Variants in SPSB4 observed in about 807,000 individuals in gnomAD.
SPSB4 encodes SPRY domain-containing SOCS box protein 4.
Under a neutral mutation model 20.9 loss-of-function variants are expected in SPSB4, and 21 were observed. That is an observed-to-expected ratio of 1.01 (90% CI 0.71 to 1.45). The LOEUF (loss-of-function observed/expected upper bound fraction) is 1.45, where lower values mean the gene tolerates loss of function less well. Among genes scored for constraint, SPSB4 ranks in the 40% most tolerant of loss-of-function variants. SPSB4 has a pLI of 0.00. For synonymous variants in SPSB4, 207 were observed against 183.8 expected, an observed-to-expected ratio of 1.13 and a Z score of -1.02; for missense variants, 399 against 399.2, an observed-to-expected ratio of 1.00 and a Z score of 0.00.
chr3:141,063,159 T>C (rs944028144), intron 1 of SPSB4, among the ~76,000 whole-genome samples: 147 of 152,350 alleles, frequency 9.6e-4, no homozygotes, highest in African/African-American at 3.1e-3. Context: ...TTTACTTGCC[T>C]AATATTAAGA....
intron 2 of SPSB4, among the ~76,000 whole-genome samples, chr3:141,134,553 T>G (rs1939193302): frequency 6.6e-6 from 1 of 152,216 alleles, no homozygotes; most frequent in African/African-American, 2.4e-5. Flanking sequence ...TGTCACGTTT[T>G]TTCTGCATCT....
chr3:141,107,323 T>C (rs2107797145), intron 2 of SPSB4, among the ~76,000 whole-genome samples: 1 of 152,316 alleles, frequency 6.6e-6, no homozygotes, highest in East Asian at 1.9e-4. Flanking sequence ...GATAAGACTA[T>C]CTTAATGGTA....
chr3:141,139,752 T>G (rs1939291401), intron 2 of SPSB4, among the ~76,000 whole-genome samples: 1 of 152,268 alleles, frequency 6.6e-6, no homozygotes, highest in Non-Finnish European at 1.5e-5. Flanking sequence ...CACCTTTCAC[T>G]CAGGCTGCCC....
At chr3:141,073,894 C>A (rs578033442) in intron 2 of SPSB4, among the ~76,000 whole-genome samples, 68 of 152,328 alleles carry the variant, frequency 4.5e-4, no homozygotes, top group African/African-American at 1.6e-3. Flanking sequence ...ATGCAGGATC[C>A]TGACATTCAG....
Position 141,110,664 on chromosome 3 carries a change from T to C in SPSB4, c.695-36478T>C, listed in dbSNP as rs375472125. Among the ~76,000 whole-genome samples, 5 of 152,330 alleles carry C rather than the reference T, an allele frequency of 3.3e-5. No homozygotes were observed. The East Asian group carries it at 9.6e-4, about 29-fold the overall frequency. On this transcript the variant is annotated intron_variant, in intron 2 of 2. Coordinates refer to ENST00000310546, the MANE Select transcript of SPSB4 (RefSeq NM_080862.3). ...GGTCCAGGGCAGAAGGAACAGCCCC[T>C]AATGGTGACTAATGGAAAAGTGAAG...
Position 141,060,606 on chromosome 3 carries a change from T to C in SPSB4, c.-153-5346T>C, listed in dbSNP as rs77638068. 4.0e-3 allele frequency among the ~76,000 whole-genome samples: 604 copies of C among 152,344 alleles called. 7 individuals carry two copies. The highest frequency in any genetic ancestry group is 0.014 in the African/African-American group (577 of 41,584). ...GCATGTGCTGTGTACATAGGTAGTT[T>C]TGTGCATTTGAGAACATATCTGAAT... On this transcript the variant is annotated intron_variant, in intron 1 of 2. Transcript: ENST00000310546.
chr3:141,117,439 G>A (rs1398932703), intron 2 of SPSB4, among the ~76,000 whole-genome samples: 7 of 152,138 alleles, frequency 4.6e-5, no homozygotes, highest in Non-Finnish European at 8.8e-5. Flanking sequence ...TCATCTTCTG[G>A]CCAAGCTCTT....
chr3:141,102,346 T>A (rs377029247), intron 2 of SPSB4, among the ~76,000 whole-genome samples: 20 of 152,096 alleles, frequency 1.3e-4, no homozygotes, highest in African/African-American at 4.8e-4. Context: ...AAGGAAAACA[T>A]ACAACCGATT....
At chr3:141,111,366 T>TG (rs1398599626) in intron 2 of SPSB4, among the ~76,000 whole-genome samples, 1 of 143,526 alleles carries the variant, frequency 7.0e-6, no homozygotes, top group Non-Finnish European at 1.5e-5. Context: ...TTTTTTTTTT[T>TG]TTTTTTTTTT....
intron 2 of SPSB4, among the ~76,000 whole-genome samples, chr3:141,143,810 G>A (rs1368474139): frequency 6.6e-6 from 1 of 152,194 alleles, no homozygotes; most frequent in Non-Finnish European, 1.5e-5. Flanking sequence ...AGAATTTGCA[G>A]TGGCCTGCTC....
At chr3:141,110,448 A>T (rs1938777516) in intron 2 of SPSB4, among the ~76,000 whole-genome samples, 1 of 152,204 alleles carries the variant, frequency 6.6e-6, no homozygotes, top group Non-Finnish European at 1.5e-5. Context: ...GTACCATCTC[A>T]TTCAATCTTC....
At chr3:141,117,005 T>C (rs997909836) in intron 2 of SPSB4, 2 of 152,258 alleles carry the variant, frequency 1.3e-5, no homozygotes, top group Admixed American at 6.5e-5. Context: ...CATTAGATGC[T>C]GTGTCCTGAG....
chr3:141,127,618 C>CCTTTCACTGCCAGGATTAA (rs1939068716), intron 2 of SPSB4, among the ~76,000 whole-genome samples: 1 of 152,150 alleles, frequency 6.6e-6, no homozygotes, highest in Non-Finnish European at 1.5e-5. Context: ...CAGTCAAGGC[C>CCTTTCACTGCCAGGATTAA]CTTTCACTGC....
At chr3:141,095,087 C>T (rs138526807) in intron 2 of SPSB4, among the ~76,000 whole-genome samples, 1,836 of 152,174 alleles carry the variant, frequency 0.012, 16 homozygotes, top group Non-Finnish European at 0.019. Context: ...CGTGTCTCGT[C>T]GGTCCCTATT....
chr3:141,147,502 G>A lies in SPSB4; in HGVS notation c.*233G>A. ...TCCCAAGTCAGACACCTCCTTCGGA[G>A]CCACAGAGAGCCTGGAGTCTGCACC... On this transcript the variant is annotated 3_prime_UTR_variant, in exon 3 of 3. Coordinates refer to ENST00000310546, the MANE Select transcript of SPSB4 (RefSeq NM_080862.3). 1 of 570,718 alleles carries A rather than the reference G, an allele frequency of 1.8e-6. No individual in the cohort carries two copies. Among genetic ancestry groups the A allele is most frequent in the Non-Finnish European group, 3.0e-6 (1 of 334,878 alleles). The allele number at this position is 570,718 out of a possible 1,614,324, so 35.4% of individuals were successfully genotyped here.
chr3:141,088,327 G>A (rs1938389678), intron 2 of SPSB4, among the ~76,000 whole-genome samples: 1 of 152,190 alleles, frequency 6.6e-6, no homozygotes, highest in African/African-American at 2.4e-5. Context: ...GGCTATTGAC[G>A]ATTACTTCTA....
At chr3:141,129,298 G>T (rs1939098625) in intron 2 of SPSB4, among the ~76,000 whole-genome samples, 1 of 152,234 alleles carries the variant, frequency 6.6e-6, no homozygotes. Flanking sequence ...TGCTCAAACA[G>T]AGCTGGATCA....
intron 2 of SPSB4, among the ~76,000 whole-genome samples, chr3:141,109,898 C>T (rs187881989): frequency 9.8e-4 from 150 of 152,304 alleles, no homozygotes; most frequent in Non-Finnish European, 1.6e-3. Flanking sequence ...TTTATAGCTC[C>T]TTAATCGGTG....
chr3:141,125,755 A>G (rs1426972), intron 2 of SPSB4, among the ~76,000 whole-genome samples: 40,904 of 152,182 alleles, frequency 0.27, 6,928 homozygotes, highest in African/African-American at 0.46. Flanking sequence ...GTTGCAATTC[A>G]GCTCCTGCAT....
Sources: gnomAD v4.1 joint callset for allele counts (sites outside exome capture counted in the v4.1 genomes callset) on GRCh38, gnomAD v4.1.1 for gene constraint, MANE v1.5 for transcripts, NCBI Gene and HGNC (gene_info 2026-07-23, HGNC 2026-07-21) for gene names.